The following ARHGAP35 variants were observed in gnomAD, a reference collection of about 807,000 sequenced individuals.
The protein encoded by ARHGAP35 is Rho GTPase activating protein 35.
In ARHGAP35, 15 loss-of-function variants were observed where a neutral mutation model predicts 111.1. The ratio of observed to expected loss-of-function variants is 0.13; its 90% CI spans 0.09 to 0.21. The LOEUF is 0.21. ARHGAP35 is among the 10% of genes least tolerant of loss of function. ARHGAP35 has a pLI of 1.00. For missense variants in ARHGAP35, 1,262 were observed against 1,873.0 expected, an observed-to-expected ratio of 0.67 and a Z score of 6.02; for synonymous variants, 643 against 710.3, an observed-to-expected ratio of 0.91 and a Z score of 1.51.
At chr19:46,927,441 T>C (rs2056244920) in intron 2 of ARHGAP35, among the ~76,000 whole-genome samples, 1 of 152,132 alleles carries the variant, frequency 6.6e-6, no homozygotes, top group South Asian at 2.1e-4. Flanking sequence ...GGAAATGATA[T>C]TTAAGGCTGA....
rs1328706423 is a variant in ARHGAP35, at chr19:46,926,498, G to A, written c.3681+4142G>A. Among the ~76,000 whole-genome samples the A allele has an allele frequency of 6.6e-6, 1 of 152,164 alleles. No individual in the cohort carries two copies. The highest frequency in any genetic ancestry group is 6.5e-5 in the Admixed American group (1 of 15,278). ...TTTTAAAGCCAAAAAACAGGCTGGG[G>A]AGCCTTGTTCCACAAAGTATGCCTT... is the stretch of plus-strand genomic sequence containing the variant. On this transcript the variant is annotated intron_variant, in intron 2 of 6. Transcript: ENST00000672722. This position sits in a 1 kb window ranked among gnomAD's most constrained non-coding sequence, Gnocchi z 4.1.
In ARHGAP35 at chr19:47,001,577, C is replaced by T. The variant is rs1031915690; in HGVS notation, c.*889C>T. On this transcript the variant is annotated 3_prime_UTR_variant, in exon 7 of 7. Coordinates refer to ENST00000672722, the MANE Select transcript of ARHGAP35 (RefSeq NM_004491.5). The surrounding 1 kb of genome is among the most constrained non-coding windows in gnomAD (Gnocchi z 5.4). ...AGGGCCTGCTGGGGTCCCACTCACC[C>T]ACTTAGGTCTAGTCGCTAGATCCCC... is the stretch of plus-strand genomic sequence containing the variant. 7.3e-6 allele frequency: 3 copies of T among 408,574 alleles called. No homozygotes were observed. Among genetic ancestry groups the T allele is most frequent in the Non-Finnish European group, 1.3e-5 (3 of 226,312 alleles). 25.3% of individuals were successfully genotyped at this position (408,574 alleles called of 1,614,324 possible).
intron 1 of ARHGAP35, among the ~76,000 whole-genome samples, chr19:46,868,700 A>AT (rs1048272431): frequency 2.6e-5 from 4 of 152,074 alleles, no homozygotes; most frequent in African/African-American, 7.2e-5. Context: ...TTAAATCTAC[A>AT]TTTTTTTCAG....
intron 1 of ARHGAP35, among the ~76,000 whole-genome samples, chr19:46,877,588 T>C (rs1374609918): frequency 2.0e-5 from 3 of 152,044 alleles, no homozygotes; most frequent in Admixed American, 6.6e-5. Context: ...TAAATAAAAA[T>C]TAAAAAATAA....
At chr19:46,873,654 G>A (rs185307076) in intron 1 of ARHGAP35, among the ~76,000 whole-genome samples, 25 of 148,104 alleles carry the variant, frequency 1.7e-4, no homozygotes, top group African/African-American at 4.7e-4. Context: ...AAAAAAAGCC[G>A]TCGGTCAAAG....
Position 46,937,342 on chromosome 19 carries a change from G to A in ARHGAP35, c.3760G>A (p.Val1254Ile), listed in dbSNP as rs1893630180. ...SNYFGVPLTT[V>I]VTPEKPIPIF... ...CTATTTTGGGGTGCCCTTAACAACT[G>A]TCGTGACTCCAGAGAAGCCGATCCC... is the stretch of plus-strand genomic sequence containing the variant. Residue 1254 changes from valine to isoleucine, a missense_variant, in exon 3 of 7, where the codon GTC becomes ATC. Around this residue, in one of 8 missense-constraint regions of ARHGAP35, gnomAD observed 45 missense variants for 118.2 expected, o/e 0.38. Transcript: ENST00000672722. The A allele has an allele frequency of 6.2e-7, 1 of 1,613,828 alleles. No homozygotes were observed. The highest frequency in any genetic ancestry group is 1.7e-5 in the Admixed American group (1 of 59,984).
intron 2 of ARHGAP35, among the ~76,000 whole-genome samples, chr19:46,923,927 AAAAAAGG>A (rs991557947): frequency 2.6e-5 from 4 of 152,018 alleles, no homozygotes; most frequent in South Asian, 2.1e-4. Flanking sequence ...TCTCAAAAAA[AAAAAAGG>A]AAAAAGGAAA....
chr19:46,961,831 G>A (rs1296734820), intron 3 of ARHGAP35, among the ~76,000 whole-genome samples: 3 of 152,316 alleles, frequency 2.0e-5, no homozygotes, highest in South Asian at 2.1e-4. Flanking sequence ...TCGGGAGGCT[G>A]AGGCAGGAGA....
intron 2 of ARHGAP35, among the ~76,000 whole-genome samples, chr19:46,932,143 A>G (rs1415396258): frequency 2.0e-5 from 3 of 152,170 alleles, no homozygotes; most frequent in East Asian, 3.9e-4. Context: ...CTTGCTGGGC[A>G]TGGTGGCTCA....
chr19:46,889,102 C>A (rs576185373), intron 1 of ARHGAP35, among the ~76,000 whole-genome samples: 13 of 152,056 alleles, frequency 8.5e-5, no homozygotes, highest in African/African-American at 3.1e-4. Context: ...GTGGATCACC[C>A]AAGGTCAGGA....
chr19:46,930,344 A>G (rs552358778), intron 2 of ARHGAP35, among the ~76,000 whole-genome samples: 2 of 151,698 alleles, frequency 1.3e-5, no homozygotes, highest in South Asian at 4.2e-4. Flanking sequence ...TGGGCAACAC[A>G]GTGAGACGCT....
intron 3 of ARHGAP35, chr19:46,949,122 A>C (rs1245723755): frequency 1.3e-5 from 2 of 151,578 alleles, no homozygotes; most frequent in Non-Finnish European, 2.9e-5. Context: ...GTGCCACTGC[A>C]CTCCAGCCTG....
At chr19:46,884,199 A>G (rs2055980560) in intron 1 of ARHGAP35, among the ~76,000 whole-genome samples, 1 of 152,082 alleles carries the variant, frequency 6.6e-6, no homozygotes, top group Non-Finnish European at 1.5e-5. Flanking sequence ...TAATCCCAAC[A>G]CTTTTGGAAG....
chr19:46,963,570 C>A (rs1042425405), intron 3 of ARHGAP35, among the ~76,000 whole-genome samples: 1 of 152,216 alleles, frequency 6.6e-6, no homozygotes, highest in South Asian at 2.1e-4. Flanking sequence ...TGCCGTCCCT[C>A]CTGTGGACAT....
chr19:46,907,816 A>T (rs2056118699), intron 1 of ARHGAP35, among the ~76,000 whole-genome samples: 1 of 152,210 alleles, frequency 6.6e-6, no homozygotes, highest in Non-Finnish European at 1.5e-5. Context: ...GTACAGGTGC[A>T]TTAGATAAAA....
chr19:46,970,880 A>G (rs931844666), intron 3 of ARHGAP35, among the ~76,000 whole-genome samples: 1 of 152,178 alleles, frequency 6.6e-6, no homozygotes, highest in Non-Finnish European at 1.5e-5. Flanking sequence ...TCTCCGTGAC[A>G]GGAGACTGCA....
rs925344927 is a variant in ARHGAP35 at position 46,861,026 on chromosome 19, AGGAGGAGGT to A, written c.-363_-355del. Among the ~76,000 whole-genome samples, 3 of 142,262 alleles carry A rather than the reference AGGAGGAGGT, an allele frequency of 2.1e-5. No individual in the cohort carries two copies. Among genetic ancestry groups the A allele is most frequent in the Admixed American group, 6.9e-5 (1 of 14,528 alleles). The allele number at this position is 142,262 out of a possible 152,430, so 93.3% of individuals were successfully genotyped here. On this transcript the variant is annotated 5_prime_UTR_variant, in exon 1 of 7. Coordinates refer to ENST00000672722, the MANE Select transcript of ARHGAP35 (RefSeq NM_004491.5). ...CGAGGGAGAGCCGCGGCGCGGCGGC[AGGAGGAGGT>A]GGAGGAGGCGGAGGAGGGAACCCGC...
chr19:46,891,108 G>A (rs1351188962), intron 1 of ARHGAP35, among the ~76,000 whole-genome samples: 1 of 152,134 alleles, frequency 6.6e-6, no homozygotes, highest in Non-Finnish European at 1.5e-5. Flanking sequence ...GGGTAGCCTT[G>A]GCCAGGTCAG....
intron 1 of ARHGAP35, among the ~76,000 whole-genome samples, chr19:46,903,127 T>C (rs2056089890): frequency 1.3e-5 from 2 of 152,000 alleles, no homozygotes; most frequent in South Asian, 2.1e-4. Context: ...AAATCACAGA[T>C]GGATTCAGGG....
Sources: gnomAD v4.1 joint callset for allele counts (sites outside exome capture counted in the v4.1 genomes callset) on GRCh38, gnomAD v4.1.1 for gene constraint, gnomAD v4.1.1 regional missense constraint, Gnocchi (gnomAD v3.1) non-coding constraint, MANE v1.5 for transcripts, NCBI Gene and HGNC (gene_info 2026-07-23, HGNC 2026-07-21) for gene names.